The following CACNA1H variants were observed in gnomAD, a reference collection of about 807,000 sequenced individuals.
The protein encoded by CACNA1H is calcium voltage-gated channel subunit alpha1 H.
Under a neutral mutation model 192.5 loss-of-function variants are expected in CACNA1H, and 149 were observed. The observed-to-expected ratio is 0.77, with a 90% CI of 0.68 to 0.89. The LOEUF (loss-of-function observed/expected upper bound fraction) is 0.89. CACNA1H is among the 40% of genes least tolerant of loss of function. The pLI, the probability that CACNA1H is intolerant of heterozygous loss-of-function variation, is 0.00. For synonymous variants in CACNA1H, 2,202 were observed against 1,475.2 expected, an observed-to-expected ratio of 1.49 and a Z score of -11.29; for missense variants, 4,257 against 3,423.5, an observed-to-expected ratio of 1.24 and a Z score of -6.08.
chr16:1,196,220 G>C (rs1300794343), intron 5 of CACNA1H, among the ~76,000 whole-genome samples, 197 bp downstream of exon 5: 3 of 152,272 alleles, frequency 2.0e-5, no homozygotes, highest in Admixed American at 6.5e-5. Context: ...GGAGAATCAA[G>C]CTGCGGTGTG....
At chr16:1,153,534 C>G (rs1961848951) in intron 1 of CACNA1H, 64 bp downstream of exon 1, 1 of 307,862 alleles carries the variant, frequency 3.2e-6, no homozygotes, top group African/African-American at 2.3e-5. Context: ...GGCCGGGGAG[C>G]CCCTCGGGGT....
At position 1,217,034 on chromosome 16, in the gene CACNA1H, C is replaced by G. The variant is rs1280873505; in HGVS notation, c.5323+24C>G. ...GGGTGAGTGGCTCCTGCGCCCTCCT[C>G]CTGGCACACATGGGGTCCTGACAGG... On this transcript the variant is annotated intron_variant, in intron 31 of 34. Coordinates refer to ENST00000348261, the MANE Select transcript of CACNA1H (RefSeq NM_021098.3). 5 of 1,564,566 alleles carry G rather than the reference C, an allele frequency of 3.2e-6. No homozygotes were observed. The South Asian group carries it at 5.8e-5, about 18-fold the overall frequency.
rs191319552 is a variant in CACNA1H, at chr16:1,199,523, C to G, written c.804-733C>G. Among the ~76,000 whole-genome samples the G allele has an allele frequency of 6.6e-4, 98 of 149,066 alleles. 3 individuals are homozygous for G. Among genetic ancestry groups the G allele is most frequent in the African/African-American group, 2.3e-3 (92 of 39,540 alleles). On this transcript the variant is annotated intron_variant, in intron 6 of 34. Coordinates refer to ENST00000348261, the MANE Select transcript of CACNA1H (RefSeq NM_021098.3). ...CACATATGTCCCACCCCCAGTGCTG[C>G]CACCTCTCAGCCCCCAAGACAGGTT...
At position 1,210,361 on chromosome 16, in the gene CACNA1H, C is replaced by G; in HGVS notation, c.3846-9C>G. The G allele has an allele frequency of 1.3e-6, 2 of 1,500,774 alleles. No homozygotes were observed. Among genetic ancestry groups the G allele is most frequent in the Non-Finnish European group, 1.8e-6 (2 of 1,112,366 alleles). 93.0% of individuals were successfully genotyped at this position (1,500,774 alleles called of 1,614,324 possible). A position where few individuals can be genotyped will look rare whatever the true frequency, so the allele number is the denominator to read the frequency against. On this transcript the variant is annotated splice_polypyrimidine_tract_variant and intron_variant, in intron 18 of 34. Coordinates refer to ENST00000348261, the MANE Select transcript of CACNA1H (RefSeq NM_021098.3). Reference sequence around the variant, plus strand: ...CCGCCCCACCTCTCACCCGCCCCCGCCCACCCAGGTTCCGCGTCTCCTGCC... The same window carrying G: ...CCGCCCCACCTCTCACCCGCCCCCGGCCACCCAGGTTCCGCGTCTCCTGCC...
intron 2 of CACNA1H, among the ~76,000 whole-genome samples, chr16:1,193,994 C>T (rs1219428698): frequency 6.6e-6 from 1 of 152,158 alleles, no homozygotes; most frequent in East Asian, 1.9e-4. Context: ...CTGTAGTGAG[C>T]GTGGCCCGTG....
chr16:1,211,832 C>T, intron 24 of CACNA1H, 27 bp downstream of exon 24: 1 of 1,610,804 alleles, frequency 6.2e-7, no homozygotes, highest in Non-Finnish European at 8.5e-7. Flanking sequence ...CGAGCTGGGT[C>T]ACCTCAGGGT....
chr16:1,208,247 C>G (rs761753380), intron 16 of CACNA1H, 26 bp downstream of exon 16: 1 of 1,508,936 alleles, frequency 6.6e-7, no homozygotes, highest in Non-Finnish European at 8.9e-7. Context: ...TGCCCCAGCT[C>G]TCAGGCCCCT....
intron 2 of CACNA1H, among the ~76,000 whole-genome samples, chr16:1,156,604 C>T (rs1043721439): frequency 6.6e-6 from 1 of 152,114 alleles, no homozygotes; most frequent in Non-Finnish European, 1.5e-5. Flanking sequence ...TCCTGGGCCT[C>T]AGCCTCCCCT....
chr16:1,158,855 T>C (rs1475346388), intron 2 of CACNA1H, among the ~76,000 whole-genome samples: 3 of 143,276 alleles, frequency 2.1e-5, no homozygotes, highest in Non-Finnish European at 4.5e-5. Flanking sequence ...AGGGCCCCGC[T>C]CAGCCCGCAC....
chr16:1,198,532 C>A (rs1007557842), intron 5 of CACNA1H, 83 bp from the exon 6 acceptor site: 2 of 1,496,264 alleles, frequency 1.3e-6, no homozygotes, highest in African/African-American at 1.4e-5. Flanking sequence ...GTGGACGGGG[C>A]TCGGGGGTCC....
intron 11 of CACNA1H, among the ~76,000 whole-genome samples, chr16:1,205,757 C>T (rs553828420): frequency 6.6e-6 from 1 of 152,324 alleles, no homozygotes; most frequent in African/African-American, 2.4e-5. Flanking sequence ...GTCTCCCATC[C>T]TGGGGCGGGG....
chr16:1,200,344 G>A lies in CACNA1H; in HGVS notation c.892G>A (p.Gly298Ser), dbSNP rs1967692208. 6 of 1,602,524 alleles carry A rather than the reference G, an allele frequency of 3.7e-6. No homozygotes were observed. The highest frequency in any genetic ancestry group is 1.1e-5 in the South Asian group (1 of 89,752). The change falls in exon 7 of 35, where the codon GGC (glycine) becomes AGC (serine). Residue 298 changes from glycine (G) to serine (S), a missense_variant. Physicochemically the swap from Gly to Ser is moderately conservative, Grantham distance 56. Coordinates refer to ENST00000348261, the MANE Select transcript of CACNA1H (RefSeq NM_021098.3). ...CATCTGCTCCTCACGCCGAGACAAC[G>A]GCATGCAGAAGTGCTCGCACATCCC... Reference protein sequence around the residue: ...PFICSSRRDNGMQKCSHIPGR... With the variant: ...PFICSSRRDNSMQKCSHIPGR...
chr16:1,213,781 G>A lies in CACNA1H; in HGVS notation c.4779G>A (p.Glu1593=), dbSNP rs563695539. Residue 1593 remains glutamate (E), a splice_region_variant and synonymous_variant, in exon 27 of 35, where the codon GAG becomes GAA. Coordinates refer to ENST00000348261, the MANE Select transcript of CACNA1H (RefSeq NM_021098.3). ...CGCTCATGGCCGCCCTCCCCGCAGA[G>A]GCCCAGCGCCGGCCCTACTATGCCG... ...RRRRSTFPSP[E]AQRRPYYADY... is the part of the protein sequence containing the mutation. 3.3e-5 allele frequency: 52 copies of A among 1,554,040 alleles called. No homozygotes were observed. In the African/African-American group the frequency reaches 6.5e-4, roughly 20 times the overall value.
chr16:1,205,307 C>T (rs572921222), intron 11 of CACNA1H, 42 bp downstream of exon 11: 2 of 1,561,000 alleles, frequency 1.3e-6, no homozygotes, highest in East Asian at 2.3e-5. Flanking sequence ...GCCCGGGAAG[C>T]TCCACTCTCT....
At chr16:1,187,892 C>T (rs924760066) in intron 2 of CACNA1H, among the ~76,000 whole-genome samples, 2 of 152,194 alleles carry the variant, frequency 1.3e-5, no homozygotes, top group Admixed American at 6.5e-5. Context: ...AAACATCTGT[C>T]CTGACCTTCC....
intron 2 of CACNA1H, among the ~76,000 whole-genome samples, chr16:1,186,608 G>A (rs961852502): frequency 2.6e-5 from 4 of 152,106 alleles, no homozygotes; most frequent in African/African-American, 9.7e-5. Flanking sequence ...GGCCTGCACT[G>A]TGGCTTCTGT....
At chr16:1,189,158 G>A (rs1966356586) in intron 2 of CACNA1H, among the ~76,000 whole-genome samples, 1 of 152,216 alleles carries the variant, frequency 6.6e-6, no homozygotes, top group Non-Finnish European at 1.5e-5. Context: ...GAAGCCTGTA[G>A]GGGTGAGAAA....
Position 1,215,261 on chromosome 16 carries a change from G to A in CACNA1H, c.5059G>A (p.Ala1687Thr), listed in dbSNP as rs374276829. 94 of 1,605,504 alleles carry A rather than the reference G, an allele frequency of 5.9e-5. No homozygotes were observed. The highest frequency in any genetic ancestry group is 7.9e-5 in the Non-Finnish European group (93 of 1,176,288). ...ACACAGGTGGAACCAGCTGGACCTG[G>A]CCATCGTGCTGCTGTCACTCATGGG... ...FKDRWNQLDL[A>T]IVLLSLMGIT... The change falls in exon 29 of 35, where the codon GCC (alanine) becomes ACC (threonine). Residue 1687 changes from alanine to threonine, a missense_variant. Ala to Thr is a moderately conservative substitution (Grantham distance 58, BLOSUM62 0). Coordinates refer to ENST00000348261, the MANE Select transcript of CACNA1H (RefSeq NM_021098.3).
intron 2 of CACNA1H, among the ~76,000 whole-genome samples, chr16:1,168,591 T>C (rs1379000068): frequency 6.6e-6 from 1 of 151,652 alleles, no homozygotes. Flanking sequence ...GTGGGGAGGT[T>C]GATGATCCAG....
Sources: gnomAD v4.1 joint callset for allele counts (sites outside exome capture counted in the v4.1 genomes callset) on GRCh38, gnomAD v4.1.1 for gene constraint, MANE v1.5 for transcripts, NCBI Gene and HGNC (gene_info 2026-07-23, HGNC 2026-07-21) for gene names.